ITGA1: variants seen among roughly 807,000 people sequenced by gnomAD.
The protein encoded by ITGA1 is integrin alpha-1.
In ITGA1, 85 loss-of-function variants were observed where a neutral mutation model predicts 145.9. The ratio of observed to expected loss-of-function variants is 0.58; its 90% CI spans 0.49 to 0.70. The LOEUF (loss-of-function observed/expected upper bound fraction) is 0.70. Among genes scored for constraint, ITGA1 ranks in the 30% least tolerant of loss-of-function variants. The pLI is 0.00. For synonymous variants in ITGA1, 520 were observed against 495.3 expected, an observed-to-expected ratio of 1.05 and a Z score of -0.66; for missense variants, 1,351 against 1,418.7, an observed-to-expected ratio of 0.95 and a Z score of 0.77.
intron 8 of ITGA1, among the ~76,000 whole-genome samples, chr5:52,893,199 G>C (rs190706503): frequency 6.6e-6 from 1 of 152,184 alleles, no homozygotes; most frequent in East Asian, 1.9e-4. Context: ...ACTTAGTCCA[G>C]TATGTGTTTA....
At chr5:52,911,792 C>A (rs1317523191) in intron 14 of ITGA1, among the ~76,000 whole-genome samples, 1 of 133,126 alleles carries the variant, frequency 7.5e-6, no homozygotes, top group African/African-American at 2.7e-5. Context: ...TATAGTGTAT[C>A]TACTATATAT....
intron 13 of ITGA1, 132 bp from the exon 14 acceptor site, chr5:52,910,030 T>A: frequency 1.2e-6 from 1 of 844,320 alleles, no homozygotes; most frequent in Non-Finnish European, 1.9e-6. Flanking sequence ...GCACACTTTT[T>A]AAGAAATTTT....
intron 18 of ITGA1, among the ~76,000 whole-genome samples, chr5:52,924,460 C>T (rs73754068): frequency 0.023 from 3,428 of 152,240 alleles, 117 homozygotes; most frequent in African/African-American, 0.071. Context: ...GTGTGGCTGA[C>T]GCTAAAGAGC....
At chr5:52,840,140 G>A (rs1420749136) in intron 1 of ITGA1, among the ~76,000 whole-genome samples, 1 of 152,020 alleles carries the variant, frequency 6.6e-6, no homozygotes, top group African/African-American at 2.4e-5. Context: ...TTTATAACTG[G>A]CAATATCTTA....
At chr5:52,912,006 T>A (rs1329156407) in intron 14 of ITGA1, among the ~76,000 whole-genome samples, 5 of 140,062 alleles carry the variant, frequency 3.6e-5, no homozygotes, top group African/African-American at 1.3e-4. Flanking sequence ...GTATCTACTA[T>A]ATATACTATA....
intron 2 of ITGA1, among the ~76,000 whole-genome samples, chr5:52,852,704 T>G (rs761086053): frequency 2.0e-5 from 3 of 152,166 alleles, no homozygotes; most frequent in Non-Finnish European, 4.4e-5. Context: ...AGTTAATGTG[T>G]TAGTGGAAAT....
chr5:52,832,595 A>G (rs1261676309), intron 1 of ITGA1, among the ~76,000 whole-genome samples: 4 of 152,122 alleles, frequency 2.6e-5, no homozygotes, highest in African/African-American at 9.7e-5. Flanking sequence ...ATTTTCTTAC[A>G]CCTATGGTCA....
chr5:52,927,687 A>C (rs758905991), intron 20 of ITGA1, 23 bp downstream of exon 20: 2 of 1,417,392 alleles, frequency 1.4e-6, no homozygotes, highest in Admixed American at 3.5e-5. Flanking sequence ...TACAAAATAC[A>C]TGTAGAAATT....
chr5:52,905,995 C>A, intron 12 of ITGA1, 87 bp downstream of exon 12: 1 of 1,138,758 alleles, frequency 8.8e-7, no homozygotes, highest in Non-Finnish European at 1.3e-6. Flanking sequence ...CTTAAAAATG[C>A]AATACCCACA....
chr5:52,906,045 C>T (rs1452658697), intron 12 of ITGA1, 137 bp downstream of exon 12: 1 of 677,460 alleles, frequency 1.5e-6, no homozygotes, highest in African/African-American at 1.8e-5. Flanking sequence ...GTGTTAGGTT[C>T]TTTGGAAGGA....
intron 1 of ITGA1, among the ~76,000 whole-genome samples, chr5:52,821,189 T>A (rs1425421531): frequency 6.6e-6 from 1 of 152,228 alleles, no homozygotes; most frequent in African/African-American, 2.4e-5. Context: ...TAAAGTTTGA[T>A]ACCATTCAAT....
chr5:52,920,602 G>T (rs1247894051), intron 17 of ITGA1, 134 bp downstream of exon 17: 2 of 735,774 alleles, frequency 2.7e-6, no homozygotes, highest in South Asian at 3.8e-5. Context: ...AATCTTGTTT[G>T]TTCATTTTTA....
At chr5:52,896,584 G>C (rs538714529) in intron 9 of ITGA1, among the ~76,000 whole-genome samples, 3 of 152,190 alleles carry the variant, frequency 2.0e-5, no homozygotes, top group South Asian at 4.1e-4. Flanking sequence ...TTGCCTCAAC[G>C]AAAGGGCAGA....
At chr5:52,855,243 A>G (rs762458553) in intron 2 of ITGA1, among the ~76,000 whole-genome samples, 4 of 152,178 alleles carry the variant, frequency 2.6e-5, no homozygotes, top group Admixed American at 6.5e-5. Flanking sequence ...CCCCTTTAGC[A>G]ACAAGGATTC....
At chr5:52,861,618 C>T in intron 3 of ITGA1, 59 bp downstream of exon 3, 1 of 980,956 alleles carries the variant, frequency 1.0e-6, no homozygotes, top group Non-Finnish European at 1.6e-6. Flanking sequence ...CGCCTGTAAT[C>T]CCCACACTTT....
intron 1 of ITGA1, among the ~76,000 whole-genome samples, chr5:52,847,979 A>G (rs191784157): frequency 1.3e-5 from 2 of 152,366 alleles, no homozygotes; most frequent in East Asian, 3.9e-4. Flanking sequence ...TCTTTAGGAG[A>G]CAGTCTTACT....
At position 52,881,983 on chromosome 5, in the gene ITGA1, C is replaced by T. The variant is rs779538696; in HGVS notation, c.735C>T (p.Gly245=). The change falls in exon 7 of 29, where the codon GGC becomes GGT. Residue 245 remains glycine (G), a synonymous_variant. Transcript: ENST00000282588. ...CAAAGAAAATAGTCCAGAGAGGTGG[C>T]CGCCAGACTATGACAGCTCTTGGAA... is the stretch of plus-strand genomic sequence containing the variant. ...VAAKKIVQRG[G]RQTMTALGID... The T allele has an allele frequency of 6.2e-7, 1 of 1,613,146 alleles. No individual in the cohort carries two copies.
intron 1 of ITGA1, among the ~76,000 whole-genome samples, chr5:52,812,613 G>A (rs1485772719): frequency 2.0e-5 from 3 of 152,104 alleles, no homozygotes; most frequent in Non-Finnish European, 4.4e-5. Flanking sequence ...GTGACCTTGA[G>A]CAAGTAATGT....
intron 1 of ITGA1, among the ~76,000 whole-genome samples, chr5:52,829,596 A>G (rs1453464329): frequency 4.6e-5 from 7 of 152,162 alleles, no homozygotes; most frequent in African/African-American, 1.7e-4. Context: ...AAAGACTTTC[A>G]AAGGATATTT....
Sources: gnomAD v4.1 joint callset for allele counts (sites outside exome capture counted in the v4.1 genomes callset) on GRCh38, gnomAD v4.1.1 for gene constraint, MANE v1.5 for transcripts, NCBI Gene and HGNC (gene_info 2026-07-23, HGNC 2026-07-21) for gene names.